The following HIPK2 variants were observed in gnomAD, a reference collection of about 807,000 sequenced individuals.
HIPK2 encodes homeodomain-interacting protein kinase 2.
Under a neutral mutation model 113.7 loss-of-function variants are expected in HIPK2, and 27 were observed. The ratio of observed to expected loss-of-function variants is 0.24; its 90% CI spans 0.17 to 0.33. The LOEUF is 0.33. HIPK2 is among the 10% of genes least tolerant of loss of function. The pLI, the probability that HIPK2 is intolerant of heterozygous loss-of-function variation, is 1.00. For missense variants in HIPK2, 1,257 were observed against 1,588.0 expected (o/e 0.79, Z 3.54); for synonymous variants, 631 against 642.2 (o/e 0.98, Z 0.26).
At chr7:139,698,459 T>G (rs1219337830) in intron 2 of HIPK2, among the ~76,000 whole-genome samples, 2 of 152,222 alleles carry the variant, frequency 1.3e-5, no homozygotes, top group African/African-American at 4.8e-5. Context: ...TTGCACTTCT[T>G]TTGGGTGTAT....
intron 12 of HIPK2, among the ~76,000 whole-genome samples, chr7:139,591,551 T>C (rs1278510293): frequency 1.3e-5 from 2 of 152,176 alleles, no homozygotes; most frequent in African/African-American, 2.4e-5. Flanking sequence ...AGTGACAGCT[T>C]TGTAATGTGA....
intron 2 of HIPK2, among the ~76,000 whole-genome samples, chr7:139,642,936 C>T (rs1332937151): frequency 1.3e-5 from 2 of 152,064 alleles, no homozygotes; most frequent in Non-Finnish European, 2.9e-5. Context: ...TGCAAGGGAA[C>T]AGGGTTCCAA....
chr7:139,571,023 A>C lies in HIPK2; in HGVS notation c.*1904T>G, dbSNP rs941399511. 3.5e-4 allele frequency: 53 copies of C among 152,348 alleles called. No individual in the cohort carries two copies. The highest frequency in any genetic ancestry group is 1.2e-3 in the African/African-American group (48 of 41,576). The allele number at this position is 152,348 out of a possible 1,614,324, so 9.4% of individuals were successfully genotyped here. A position where few individuals can be genotyped will look rare whatever the true frequency, so the allele number is the denominator to read the frequency against. ...AAGGTGCAAAGAGGGCAAAGGGCAG[A>C]TTTCTTTGGAAATTCAACTGTGTGA... On this transcript the variant is annotated 3_prime_UTR_variant, in exon 15 of 15. Coordinates refer to ENST00000406875, the MANE Select transcript of HIPK2 (RefSeq NM_022740.5).
In HIPK2 at chr7:139,777,633, G is replaced by T; in HGVS notation, c.-10C>A. Reference sequence around the variant, plus strand: ...CGTACACGGGGGCCATCGGGGCCGGGGTGTCCGCGGTTCATGGCAACGGGG... The same window carrying T: ...CGTACACGGGGGCCATCGGGGCCGGTGTGTCCGCGGTTCATGGCAACGGGG... On this transcript the variant is annotated 5_prime_UTR_variant, in exon 1 of 15. Transcript: ENST00000406875. 9.2e-7 allele frequency: 1 copy of T among 1,089,810 alleles called. No homozygotes were observed. Among genetic ancestry groups the T allele is most frequent in the Non-Finnish European group, 1.1e-6 (1 of 895,508 alleles). The allele number at this position is 1,089,810 out of a possible 1,614,324, so 67.5% of individuals were successfully genotyped here. A position where few individuals can be genotyped will look rare whatever the true frequency, so the allele number is the denominator to read the frequency against.
intron 1 of HIPK2, among the ~76,000 whole-genome samples, chr7:139,740,065 G>A (rs1404107652): frequency 6.6e-6 from 1 of 152,110 alleles, no homozygotes; most frequent in Non-Finnish European, 1.5e-5. Context: ...TGCCAGGTCA[G>A]GTGGCGACTC....
intron 2 of HIPK2, among the ~76,000 whole-genome samples, chr7:139,670,731 TTTTCTTTCTTTC>T (rs201765597): frequency 0.053 from 5,604 of 105,134 alleles, 1,107 homozygotes; most frequent in Admixed American, 0.068. Context: ...TTTCTTTTTC[TTTTCTTTCTTTC>T]TTTCTTTCTT....
Position 139,596,780 on chromosome 7 carries a change from ACCG to A in HIPK2, c.2651_2653del (p.Thr884_Val885delinsIle), listed in dbSNP as rs1212167301. 1.2e-6 allele frequency: 2 copies of A among 1,613,750 alleles called. No homozygotes were observed. Among genetic ancestry groups the A allele is most frequent in the Non-Finnish European group, 1.7e-6 (2 of 1,179,812 alleles). ...GTCACTGCTGATGGTGATGACGCTG[ACCG>A]TGGGGCTGGGAGTGTCGGGAATGAC... On this transcript the variant is annotated inframe_deletion, in exon 12 of 15. Transcript: ENST00000406875.
At chr7:139,695,098 C>T (rs982237532) in intron 2 of HIPK2, among the ~76,000 whole-genome samples, 23 of 152,220 alleles carry the variant, frequency 1.5e-4, no homozygotes, top group Non-Finnish European at 2.2e-4. Flanking sequence ...GAAAACAAAA[C>T]GCCTGTCTGT....
chr7:139,735,596 A>C, intron 1 of HIPK2, among the ~76,000 whole-genome samples: 1 of 152,216 alleles, frequency 6.6e-6, no homozygotes, highest in Admixed American at 6.5e-5. Flanking sequence ...CCTGTTTTTC[A>C]GGTCAACAGG....
chr7:139,587,348 G>A (rs1016491418), intron 12 of HIPK2, among the ~76,000 whole-genome samples: 1 of 151,888 alleles, frequency 6.6e-6, no homozygotes, highest in Non-Finnish European at 1.5e-5. Context: ...AAAATTAGCC[G>A]GGAGTGGTGG....
At chr7:139,581,322 G>A (rs1798661706) in intron 13 of HIPK2, among the ~76,000 whole-genome samples, 1 of 152,184 alleles carries the variant, frequency 6.6e-6, no homozygotes, top group Non-Finnish European at 1.5e-5. Flanking sequence ...CGGTGAGTCG[G>A]GTGAAGGCAG....
At chr7:139,765,313 C>G (rs1796535758) in intron 1 of HIPK2, among the ~76,000 whole-genome samples, 1 of 152,104 alleles carries the variant, frequency 6.6e-6, no homozygotes, top group South Asian at 2.1e-4. Flanking sequence ...TAGTAAATAA[C>G]CTTAACATTT....
chr7:139,705,628 C>G (rs912772333), intron 2 of HIPK2, among the ~76,000 whole-genome samples: 1 of 152,052 alleles, frequency 6.6e-6, no homozygotes, highest in Admixed American at 6.5e-5. Context: ...CCGCCCGCCT[C>G]GGCCTCCCAA....
In HIPK2 at chr7:139,638,711, G is replaced by A. The variant is rs113721376; in HGVS notation, c.1104-6986C>T. 9.6e-3 allele frequency among the ~76,000 whole-genome samples: 1,390 copies of A among 144,602 alleles called. 23 individuals are homozygous for A. The highest frequency in any genetic ancestry group is 0.034 in the African/African-American group (1,281 of 37,930). The allele number at this position is 144,602 out of a possible 152,430, so 94.9% of individuals were successfully genotyped here. On this transcript the variant is annotated intron_variant, in intron 2 of 14. Transcript: ENST00000406875. Reference sequence around the variant, plus strand: ...CTCACTCTGTTGCCCAGGCTGGAGTGCAGTGGCGCGATCTTGGCTCACTGC... The same window carrying A: ...CTCACTCTGTTGCCCAGGCTGGAGTACAGTGGCGCGATCTTGGCTCACTGC...
intron 2 of HIPK2, among the ~76,000 whole-genome samples, chr7:139,634,393 G>A (rs1344761091): frequency 3.3e-5 from 5 of 151,950 alleles, no homozygotes; most frequent in South Asian, 2.1e-4. Context: ...GTATTGTCAG[G>A]GGCCACTCTT....
At chr7:139,644,200 T>C (rs542773063) in intron 2 of HIPK2, among the ~76,000 whole-genome samples, 2 of 152,266 alleles carry the variant, frequency 1.3e-5, no homozygotes, top group East Asian at 3.9e-4. Context: ...AGAATATATA[T>C]ACAAAGAAGT....
At chr7:139,638,327 T>C (rs1962344) in intron 2 of HIPK2, among the ~76,000 whole-genome samples, 4,523 of 152,118 alleles carry the variant, frequency 0.03, 221 homozygotes, top group African/African-American at 0.1. Flanking sequence ...TACAGCCTGC[T>C]CCCCTCCCTG....
intron 1 of HIPK2, among the ~76,000 whole-genome samples, chr7:139,724,517 T>A (rs1487789623): frequency 6.6e-6 from 1 of 152,172 alleles, no homozygotes; most frequent in Non-Finnish European, 1.5e-5. Flanking sequence ...AACCACAAGC[T>A]CTACAGAATT....
chr7:139,739,109 T>A (rs1796026461), intron 1 of HIPK2, among the ~76,000 whole-genome samples: 1 of 152,196 alleles, frequency 6.6e-6, no homozygotes, highest in Non-Finnish European at 1.5e-5. Flanking sequence ...GCAAGTTTTG[T>A]TTTTGAAACA....
Sources: gnomAD v4.1 joint callset for allele counts (sites outside exome capture counted in the v4.1 genomes callset) on GRCh38, gnomAD v4.1.1 for gene constraint, MANE v1.5 for transcripts, NCBI Gene and HGNC (gene_info 2026-07-23, HGNC 2026-07-21) for gene names.